SKAP2: variants seen among roughly 807,000 people sequenced by gnomAD.
The protein encoded by SKAP2 is src kinase-associated phosphoprotein 2.
In SKAP2, 28 loss-of-function variants were observed where a neutral mutation model predicts 54.9. The ratio of observed to expected loss-of-function variants is 0.51; its 90% CI spans 0.38 to 0.70. The LOEUF (loss-of-function observed/expected upper bound fraction) is 0.70, where lower values mean the gene tolerates loss of function less well. SKAP2 is among the 30% of genes least tolerant of loss of function. SKAP2 has a pLI of 0.00. For missense variants in SKAP2, 356 were observed against 424.1 expected (o/e 0.84, Z 1.41); for synonymous variants, 137 against 134.3 (o/e 1.02, Z -0.14).
At chr7:26,656,032 CAG>C in the SKAP2 span, among the ~76,000 whole-genome samples, 9 of 152,270 alleles carry the variant, frequency 5.9e-5, no homozygotes, top group African/African-American at 2.2e-4. Context: ...CCCCCAAAGA[CAG>C]GGGACAGATG....
At chr7:26,844,975 T>A (rs932359927) in intron 3 of SKAP2, among the ~76,000 whole-genome samples, 9 of 152,122 alleles carry the variant, frequency 5.9e-5, no homozygotes, top group Non-Finnish European at 7.4e-5. Flanking sequence ...ATAATTTTTT[T>A]AAAAAAACAC....
chr7:26,699,370 A>G (rs1786974688), intron 9 of SKAP2, among the ~76,000 whole-genome samples: 1 of 152,162 alleles, frequency 6.6e-6, no homozygotes, highest in South Asian at 2.1e-4. Context: ...CAAGACAGAC[A>G]TTCAAGAAAG....
At chr7:26,654,871 A>C in the SKAP2 span, among the ~76,000 whole-genome samples, 10 of 152,348 alleles carry the variant, frequency 6.6e-5, no homozygotes, top group East Asian at 1.9e-3. Context: ...AAATATGCAA[A>C]CACAAAGATT....
At chr7:26,746,268 T>C (rs1330255626) in intron 4 of SKAP2, among the ~76,000 whole-genome samples, 1 of 152,180 alleles carries the variant, frequency 6.6e-6, no homozygotes, top group Admixed American at 6.5e-5. Context: ...GCAGTTTAAT[T>C]ACACTTTACT....
At chr7:26,807,460 G>T (rs1784054400) in intron 4 of SKAP2, among the ~76,000 whole-genome samples, 1 of 152,152 alleles carries the variant, frequency 6.6e-6, no homozygotes, top group Non-Finnish European at 1.5e-5. Context: ...CTTCCACCTT[G>T]TGAAGAAGCT....
chr7:26,712,012 A>G (rs1351673201), intron 9 of SKAP2, among the ~76,000 whole-genome samples: 4 of 152,202 alleles, frequency 2.6e-5, no homozygotes, highest in African/African-American at 9.6e-5. Flanking sequence ...AAAGAAGTCA[A>G]TGATGGGTTT....
chr7:26,740,151 TAAAAAAAAA>T (rs60264987), intron 4 of SKAP2, among the ~76,000 whole-genome samples, 187 bp from the exon 5 acceptor site: 21 of 129,820 alleles, frequency 1.6e-4, no homozygotes, highest in Admixed American at 3.0e-4. Flanking sequence ...GTCTCAAAAG[TAAAAAAAAA>T]AAAAAAAAAA....
At chr7:26,683,228 CA>C (rs1786544995) in intron 11 of SKAP2, among the ~76,000 whole-genome samples, 1 of 152,148 alleles carries the variant, frequency 6.6e-6, no homozygotes, top group Non-Finnish European at 1.5e-5. Flanking sequence ...TGAAACTAAT[CA>C]GTTTGATTTC....
chr7:26,745,205 T>C (rs1463184419), intron 4 of SKAP2, among the ~76,000 whole-genome samples: 1 of 152,204 alleles, frequency 6.6e-6, no homozygotes, highest in Non-Finnish European at 1.5e-5. Context: ...TTTTCCCTTA[T>C]ATTGGAAAAG....
At position 26,736,593 on chromosome 7, in the gene SKAP2, T is replaced by C. The variant is rs572658525; in HGVS notation, c.469+2202A>G. Among the ~76,000 whole-genome samples the C allele has an allele frequency of 2.0e-3, 306 of 152,344 alleles. 2 individuals carry two copies. The highest frequency in any genetic ancestry group is 6.6e-3 in the African/African-American group (273 of 41,586). On this transcript the variant is annotated intron_variant, in intron 6 of 12. Transcript: ENST00000345317. The stretch of plus-strand genomic sequence containing the variant: ...TTTGCCTATGGAGTAGTGATTCTTT[T>C]GTTTCTTTACTTTCTTAATAAACTT...
chr7:26,735,995 AG>A (rs1440264583), intron 6 of SKAP2, among the ~76,000 whole-genome samples: 2 of 152,344 alleles, frequency 1.3e-5, no homozygotes, highest in African/African-American at 4.8e-5. Context: ...GCAAAGTAAA[AG>A]GGAAAAATTT....
chr7:26,757,071 AG>A (rs1782811308), intron 4 of SKAP2, among the ~76,000 whole-genome samples: 1 of 152,160 alleles, frequency 6.6e-6, no homozygotes, highest in Non-Finnish European at 1.5e-5. Flanking sequence ...TCTGGATATT[AG>A]CCCTTTGTCG....
chr7:26,770,436 C>T (rs1783164389), intron 4 of SKAP2, among the ~76,000 whole-genome samples: 1 of 152,126 alleles, frequency 6.6e-6, no homozygotes, highest in Non-Finnish European at 1.5e-5. Context: ...GGCTCCCTGG[C>T]TTCAGTCCCT....
At chr7:26,688,981 G>A (rs1164728566) in intron 10 of SKAP2, among the ~76,000 whole-genome samples, 1 of 152,148 alleles carries the variant, frequency 6.6e-6, no homozygotes, top group East Asian at 1.9e-4. Context: ...GTGTTTTATA[G>A]CTTCATTTTA....
intron 4 of SKAP2, among the ~76,000 whole-genome samples, chr7:26,813,727 A>T (rs1031592784): frequency 6.6e-6 from 1 of 152,232 alleles, no homozygotes; most frequent in African/African-American, 2.4e-5. Flanking sequence ...TACTCAGTGT[A>T]TTCCATCAAC....
chr7:26,863,543 G>A (rs1785310364), intron 1 of SKAP2, among the ~76,000 whole-genome samples: 1 of 152,092 alleles, frequency 6.6e-6, no homozygotes, highest in South Asian at 2.1e-4. Context: ...GGTTCTTAGT[G>A]AACATACACA....
At chr7:26,658,373 G>A in the SKAP2 span, among the ~76,000 whole-genome samples, 1 of 152,064 alleles carries the variant, frequency 6.6e-6, no homozygotes, top group Non-Finnish European at 1.5e-5. Context: ...ATCATTTTAC[G>A]TGGCAATTTG....
chr7:26,805,924 C>T (rs1784015764), intron 4 of SKAP2, among the ~76,000 whole-genome samples: 1 of 152,174 alleles, frequency 6.6e-6, no homozygotes, highest in African/African-American at 2.4e-5. Context: ...TCTATCGGCA[C>T]CATTTTTCCA....
intron 3 of SKAP2, among the ~76,000 whole-genome samples, chr7:26,844,886 T>G (rs535219792): frequency 2.0e-5 from 3 of 152,200 alleles, no homozygotes; most frequent in Non-Finnish European, 4.4e-5. Context: ...GGTCGATTTT[T>G]TGATTGACTT....
Sources: gnomAD v4.1 joint callset for allele counts (sites outside exome capture counted in the v4.1 genomes callset) on GRCh38, gnomAD v4.1.1 for gene constraint, MANE v1.5 for transcripts, NCBI Gene and HGNC (gene_info 2026-07-23, HGNC 2026-07-21) for gene names.